Variants in MFSD6 observed in about 807,000 individuals in gnomAD.
The protein encoded by MFSD6 is major facilitator superfamily domain-containing protein 6.
MFSD6 carries 26 observed loss-of-function variants against 56.3 expected under a neutral mutation model. That is an observed-to-expected ratio of 0.46 (90% CI 0.34 to 0.64). MFSD6 has a LOEUF of 0.64. Ranked by LOEUF, MFSD6 falls within the 30% of genes least tolerant of loss-of-function variation. MFSD6 has a pLI of 0.01. For synonymous variants in MFSD6, 331 were observed against 366.9 expected (o/e 0.90, Z 1.12); for missense variants, 750 against 986.2 (o/e 0.76, Z 3.21).
In MFSD6 at chr2:190,467,682, C is replaced by T. The variant is rs1687677946; in HGVS notation, c.1533-2076C>T. Among the ~76,000 whole-genome samples, 1 of 152,136 alleles carries T rather than the reference C, an allele frequency of 6.6e-6. No individual in the cohort carries two copies. On this transcript the variant is annotated intron_variant, in intron 3 of 7. Coordinates refer to ENST00000392328, the MANE Select transcript of MFSD6 (RefSeq NM_017694.4). The surrounding 1 kb of genome is among the most constrained non-coding windows in gnomAD (Gnocchi z 5.5). The stretch of plus-strand genomic sequence containing the variant: ...GCTGTGGCTCACTGACCAAATCTGG[C>T]CTGCTGCCTGTTTTTATATGGCCCG...
At chr2:190,420,050 A>G (rs1163909825) in intron 2 of MFSD6, among the ~76,000 whole-genome samples, 1 of 118,238 alleles carries the variant, frequency 8.5e-6, no homozygotes, top group African/African-American at 3.0e-5. Context: ...TCTTAACTCT[A>G]TATTTTCAAG....
chr2:190,480,713 T>C (rs1045753705), intron 4 of MFSD6, among the ~76,000 whole-genome samples: 11 of 152,246 alleles, frequency 7.2e-5, no homozygotes, highest in Admixed American at 5.2e-4. Context: ...TCTGTGTCTT[T>C]GGACAAAATG....
intron 4 of MFSD6, among the ~76,000 whole-genome samples, chr2:190,486,472 G>A (rs562389566): frequency 6.6e-6 from 1 of 152,328 alleles, no homozygotes; most frequent in South Asian, 2.1e-4. Flanking sequence ...CTTGGCTAGA[G>A]TCTTCAACTT....
Position 190,500,471 on chromosome 2 carries a change from G to A in MFSD6, c.*253G>A. The A allele has an allele frequency of 8.0e-6, 4 of 499,688 alleles. No homozygotes were observed. The highest frequency in any genetic ancestry group is 1.4e-5 in the Non-Finnish European group (4 of 278,620). The allele number at this position is 499,688 out of a possible 1,614,324, so 31.0% of individuals were successfully genotyped here. A position where few individuals can be genotyped will look rare whatever the true frequency, so the allele number is the denominator to read the frequency against. The stretch of plus-strand genomic sequence containing the variant: ...GTTCAATGAGGACTTTCAGTTCTTT[G>A]CTTGGTTAGGTTAAGGATGATAGAA... On this transcript the variant is annotated 3_prime_UTR_variant, in exon 8 of 8. Coordinates refer to ENST00000392328, the MANE Select transcript of MFSD6 (RefSeq NM_017694.4). This position sits in a 1 kb window ranked among gnomAD's most constrained non-coding sequence, Gnocchi z 5.3.
chr2:190,448,935 A>T (rs2125081546), intron 3 of MFSD6, among the ~76,000 whole-genome samples: 1 of 152,292 alleles, frequency 6.6e-6, no homozygotes, highest in East Asian at 1.9e-4. Context: ...AGAAGAGCCA[A>T]ATGTGTGTAT....
chr2:190,469,862 T>C lies in MFSD6; in HGVS notation c.1630+7T>C, dbSNP rs1239482658. 2.5e-6 allele frequency: 4 copies of C among 1,575,022 alleles called. No individual in the cohort carries two copies. Among genetic ancestry groups the C allele is most frequent in the Non-Finnish European group, 3.5e-6 (4 of 1,149,096 alleles). ...CCCATGGAAGTTCTTCAAGGTAAGT[T>C]AACAGCTGGGATTGAAATTATTTCT... On this transcript the variant is annotated splice_region_variant and intron_variant, in intron 4 of 7. Transcript: ENST00000392328. The surrounding 1 kb of genome is among the most constrained non-coding windows in gnomAD (Gnocchi z 5.3).
At chr2:190,476,821 TAGACTGGATTAAGAAA>T (rs1688346986) in intron 4 of MFSD6, among the ~76,000 whole-genome samples, 2 of 151,970 alleles carry the variant, frequency 1.3e-5, no homozygotes, top group Admixed American at 6.6e-5. Flanking sequence ...CCAACAGTGA[TAGACTGGATTAAGAAA>T]ATGTGGCACA....
chr2:190,472,127 A>G lies in MFSD6; in HGVS notation c.1630+2272A>G, dbSNP rs188849123. Among the ~76,000 whole-genome samples the G allele has an allele frequency of 2.2e-3, 338 of 152,332 alleles. 1 individual carries two copies. The highest frequency in any genetic ancestry group is 3.5e-3 in the Non-Finnish European group (241 of 68,028). On this transcript the variant is annotated intron_variant, in intron 4 of 7. Coordinates refer to ENST00000392328, the MANE Select transcript of MFSD6 (RefSeq NM_017694.4). ...TCAAAGACCAAAGGTAGTTAAAACCACAAAGATGGGGAAAAAACAGAGCAG... is the reference window on the plus strand; with the variant it reads ...TCAAAGACCAAAGGTAGTTAAAACCGCAAAGATGGGGAAAAAACAGAGCAG...
rs370513420 is a variant in MFSD6, at chr2:190,436,846, G to T, written c.817G>T (p.Asp273Tyr). ...TACCACCACCAAATCTTTACCTTCT[G>T]ACCAAGTCATGCTTGTTTATGATCA... Reference protein sequence around the residue: ...IVTTTKSLPSDQVMLVYDQQE... With the variant: ...IVTTTKSLPSYQVMLVYDQQE... Residue 273 changes from aspartate (D) to tyrosine (Y), a missense_variant, in exon 3 of 8, where the codon GAC becomes TAC. Around this residue, in one of 5 missense-constraint regions of MFSD6, gnomAD observed 376 missense variants for 437.9 expected, o/e 0.86. Transcript: ENST00000392328. The surrounding 1 kb of genome is among the most constrained non-coding windows in gnomAD (Gnocchi z 5.3). 1.9e-6 allele frequency: 3 copies of T among 1,614,028 alleles called. No homozygotes were observed. In the African/African-American group the frequency reaches 4.0e-5, roughly 22 times the overall value.
intron 4 of MFSD6, among the ~76,000 whole-genome samples, chr2:190,486,663 C>T (rs1689026856): frequency 6.6e-6 from 1 of 152,142 alleles, no homozygotes; most frequent in South Asian, 2.1e-4. Context: ...TAAATTTAGT[C>T]CCTGTTATTC....
At chr2:190,478,980 C>T (rs577400763) in intron 4 of MFSD6, among the ~76,000 whole-genome samples, 2 of 152,320 alleles carry the variant, frequency 1.3e-5, no homozygotes, top group African/African-American at 4.8e-5. Context: ...CTATAGCCCC[C>T]GCTACCCAGC....
chr2:190,412,404 A>G lies in MFSD6; in HGVS notation c.-175-2888A>G, dbSNP rs1460809369. The G allele has an allele frequency of 6.1e-6, 6 of 984,856 alleles. No individual in the cohort carries two copies. The highest frequency in any genetic ancestry group is 7.2e-6 in the Non-Finnish European group (6 of 829,498). The allele number at this position is 984,856 out of a possible 1,614,324, so 61.0% of individuals were successfully genotyped here. On this transcript the variant is annotated intron_variant, in intron 1 of 7. Coordinates refer to ENST00000392328, the MANE Select transcript of MFSD6 (RefSeq NM_017694.4). The surrounding 1 kb of genome is among the most constrained non-coding windows in gnomAD (Gnocchi z 4.1). Reference sequence around the variant, plus strand: ...ATGTTTTAGGCAGAAGGAAATCTCCATCTTTTAATTTAGGAAACTTTGTTC... The same window carrying G: ...ATGTTTTAGGCAGAAGGAAATCTCCGTCTTTTAATTTAGGAAACTTTGTTC...
chr2:190,437,114 C>T lies in MFSD6; in HGVS notation c.1085C>T (p.Pro362Leu). 6.2e-7 allele frequency: 1 copy of T among 1,614,224 alleles called. No homozygotes were observed. Among genetic ancestry groups the T allele is most frequent in the South Asian group, 1.1e-5 (1 of 91,086 alleles). Residue 362 changes from proline (P) to leucine (L), a missense_variant, in exon 3 of 8, where the codon CCC becomes CTC. Around this residue, in one of 5 missense-constraint regions of MFSD6, gnomAD observed 376 missense variants for 437.9 expected, o/e 0.86. Transcript: ENST00000392328. The surrounding 1 kb of genome is among the most constrained non-coding windows in gnomAD (Gnocchi z 5.9). The stretch of plus-strand genomic sequence containing the variant: ...CTCATCGATGGAAAGGGGTGTAAGC[C>T]CCCCGAGTACAGGAATTACCAGATC... ...EVLIDGKGCKPPEYRNYQIVF... is the reference protein window; with the variant it reads ...EVLIDGKGCKLPEYRNYQIVF...
rs1328358742 is a variant in MFSD6 at position 190,490,187 on chromosome 2, A to G, written c.1891+321A>G. On this transcript the variant is annotated intron_variant, in intron 6 of 7. Coordinates refer to ENST00000392328, the MANE Select transcript of MFSD6 (RefSeq NM_017694.4). This position sits in a 1 kb window ranked among gnomAD's most constrained non-coding sequence, Gnocchi z 4.5. ...TTTTTCAAATTTAAGTCAAATACAT[A>G]TAAGGCTATACAGTCATTTTGCTAC... Among the ~76,000 whole-genome samples the G allele has an allele frequency of 6.6e-6, 1 of 152,128 alleles. No individual in the cohort carries two copies. The highest frequency in any genetic ancestry group is 1.9e-4 in the East Asian group (1 of 5,200).
chr2:190,497,588 G>A lies in MFSD6; in HGVS notation c.2041G>A (p.Glu681Lys), dbSNP rs537157216. 2.5e-6 allele frequency: 4 copies of A among 1,614,072 alleles called. No individual in the cohort carries two copies. The highest frequency in any genetic ancestry group is 2.5e-6 in the Non-Finnish European group (3 of 1,180,034). Residue 681 changes from glutamate (E) to lysine (K), a missense_variant, in exon 7 of 8, where the codon GAA becomes AAA. Coordinates refer to ENST00000392328, the MANE Select transcript of MFSD6 (RefSeq NM_017694.4). The surrounding 1 kb of genome is among the most constrained non-coding windows in gnomAD (Gnocchi z 5.2). ...GAAAACTAAGCACCAGGAAGAACAG[G>A]AAGATGTGAACAAACCAGCCTGGGG... The part of the protein sequence containing the change: ...PKKTKHQEEQ[E>K]DVNKPAWGVS...
rs981748420 is a variant in MFSD6 at position 190,462,317 on chromosome 2, A to G, written c.1533-7441A>G. Among the ~76,000 whole-genome samples, 2 of 152,192 alleles carry G rather than the reference A, an allele frequency of 1.3e-5. No individual in the cohort carries two copies. The highest frequency in any genetic ancestry group is 4.8e-5 in the African/African-American group (2 of 41,446). On this transcript the variant is annotated intron_variant, in intron 3 of 7. Coordinates refer to ENST00000392328, the MANE Select transcript of MFSD6 (RefSeq NM_017694.4). The surrounding 1 kb of genome is among the most constrained non-coding windows in gnomAD (Gnocchi z 5.7). ...AAATTTTAGTGTTTCAGACACTGGCATTTAGCACCCAAGCGTCAGGGATTT... is the reference window on the plus strand; with the variant it reads ...AAATTTTAGTGTTTCAGACACTGGCGTTTAGCACCCAAGCGTCAGGGATTT...
At chr2:190,448,294 T>G (rs910092231) in intron 3 of MFSD6, among the ~76,000 whole-genome samples, 3 of 152,202 alleles carry the variant, frequency 2.0e-5, no homozygotes, top group African/African-American at 4.8e-5. Flanking sequence ...GCCTAAAAAT[T>G]ACATTTTTTA....
rs775119584 is a variant in MFSD6, at chr2:190,416,849, GC to G, written c.-54+1438del. 6.6e-6 allele frequency among the ~76,000 whole-genome samples: 1 copy of G among 152,124 alleles called. No homozygotes were observed. Among genetic ancestry groups the G allele is most frequent in the Non-Finnish European group, 1.5e-5 (1 of 68,008 alleles). ...CTTAAAGAGGCACTGATTTATCAAA[GC>G]CAGGGGGATGCAACTGGGACTTCTT... On this transcript the variant is annotated intron_variant, in intron 2 of 7. Transcript: ENST00000392328. The surrounding 1 kb of genome is among the most constrained non-coding windows in gnomAD (Gnocchi z 4.1).
chr2:190,440,738 GT>G (rs748223900), intron 3 of MFSD6, among the ~76,000 whole-genome samples: 5 of 152,168 alleles, frequency 3.3e-5, no homozygotes, highest in Non-Finnish European at 7.4e-5. Flanking sequence ...CTCAAGGTCT[GT>G]TTTGCCATGC....
Sources: allele counts gnomAD v4.1 joint callset (sites outside exome capture counted in the v4.1 genomes callset), GRCh38; gene constraint gnomAD v4.1.1; regional missense constraint gnomAD v4.1.1; non-coding constraint Gnocchi (gnomAD v3.1); transcripts MANE v1.5; gene names NCBI Gene and HGNC (gene_info 2026-07-23, HGNC 2026-07-21).